The following KIAA1217 variants were observed in gnomAD, a reference collection of about 807,000 sequenced individuals.
The protein encoded by KIAA1217 is sickle tail protein homolog.
Under a neutral mutation model 163.9 loss-of-function variants are expected in KIAA1217, and 88 were observed. That is an observed-to-expected ratio of 0.54 (90% CI 0.45 to 0.64). KIAA1217 has a LOEUF of 0.64. KIAA1217 is among the 30% of genes least tolerant of loss of function. KIAA1217 has a pLI of 0.00. For missense variants in KIAA1217, 2,372 were observed against 2,475.0 expected (o/e 0.96, Z 0.88); for synonymous variants, 903 against 923.1 (o/e 0.98, Z 0.39).
chr10:24,151,354 G>A lies in KIAA1217; in HGVS notation c.-170-68272G>A, dbSNP rs547457844. 2.7e-3 allele frequency among the ~76,000 whole-genome samples: 403 copies of A among 150,706 alleles called. 1 individual carries two copies. Among genetic ancestry groups the A allele is most frequent in the Non-Finnish European group, 3.6e-3 (243 of 67,844 alleles). On this transcript the variant is annotated intron_variant, in intron 2 of 18. Coordinates refer to the KIAA1217 transcript ENST00000376462. ...TCATGATTAAGGATAAGGAGACTGAGGATTTAAGAGACTAAGAAACTAACC... is the reference window on the plus strand; with the variant it reads ...TCATGATTAAGGATAAGGAGACTGAAGATTTAAGAGACTAAGAAACTAACC...
chr10:24,060,193 G>C (rs992360301), intron 2 of KIAA1217, among the ~76,000 whole-genome samples: 17 of 150,894 alleles, frequency 1.1e-4, no homozygotes. Context: ...ATTTATTTCT[G>C]TTCTAATCTT....
chr10:24,057,586 G>A (rs1189225303), intron 2 of KIAA1217, among the ~76,000 whole-genome samples: 3 of 152,070 alleles, frequency 2.0e-5, no homozygotes, highest in Non-Finnish European at 4.4e-5. Context: ...CATCCATGTC[G>A]TGGCACATTA....
chr10:23,834,073 G>A (rs994605187), intron 1 of KIAA1217, among the ~76,000 whole-genome samples: 1 of 152,044 alleles, frequency 6.6e-6, no homozygotes, highest in African/African-American at 2.4e-5. Flanking sequence ...TACTGTTGAT[G>A]TTTTTGGCTG....
intron 6 of KIAA1217, among the ~76,000 whole-genome samples, chr10:24,490,015 A>G (rs1485716335): frequency 1.3e-5 from 2 of 152,146 alleles, no homozygotes; most frequent in Non-Finnish European, 2.9e-5. Context: ...ACAGACAGAC[A>G]TGGAGCTTGC....
chr10:24,249,359 A>G (rs1274742114), intron 2 of KIAA1217, among the ~76,000 whole-genome samples: 2 of 152,214 alleles, frequency 1.3e-5, no homozygotes, highest in African/African-American at 2.4e-5. Context: ...GGTAGAATTG[A>G]GCCCGTACTG....
chr10:24,218,889 C>T (rs543327539), intron 1 of KIAA1217, among the ~76,000 whole-genome samples: 2 of 152,164 alleles, frequency 1.3e-5, no homozygotes, highest in South Asian at 2.1e-4. Flanking sequence ...TGATTACTTA[C>T]GTACAGGGTG....
chr10:24,487,806 AC>A (rs967055723), intron 6 of KIAA1217, among the ~76,000 whole-genome samples: 1 of 152,220 alleles, frequency 6.6e-6, no homozygotes, highest in Non-Finnish European at 1.5e-5. Flanking sequence ...CTTGAAGATT[AC>A]CAGAAGGAGA....
At chr10:24,392,729 T>A (rs1282471032) in intron 3 of KIAA1217, among the ~76,000 whole-genome samples, 1 of 152,234 alleles carries the variant, frequency 6.6e-6, no homozygotes, top group Non-Finnish European at 1.5e-5. Context: ...ATTGGAAATT[T>A]ATGGATTCAG....
intron 2 of KIAA1217, among the ~76,000 whole-genome samples, chr10:24,012,043 A>T (rs1264547868): frequency 6.6e-6 from 1 of 152,178 alleles, no homozygotes; most frequent in Non-Finnish European, 1.5e-5. Flanking sequence ...TCTACATTTA[A>T]CAGAACCCAA....
chr10:23,766,836 C>A (rs1171817589), intron 1 of KIAA1217, among the ~76,000 whole-genome samples: 2 of 152,126 alleles, frequency 1.3e-5, no homozygotes, highest in African/African-American at 4.8e-5. Flanking sequence ...AAATGATCTG[C>A]CTGCCTTGGC....
chr10:24,255,494 C>G (rs954253162), intron 2 of KIAA1217: 30 of 455,674 alleles, frequency 6.6e-5, no homozygotes, highest in African/African-American at 5.6e-4. Flanking sequence ...CACATCTGGA[C>G]ATGAAGACCC....
intron 3 of KIAA1217, among the ~76,000 whole-genome samples, chr10:24,430,926 G>A (rs1283023112): frequency 1.3e-5 from 2 of 152,152 alleles, no homozygotes; most frequent in East Asian, 3.8e-4. Context: ...GGGGACCTTT[G>A]TGCTACACCA....
chr10:24,545,568 A>G (rs2075646330), intron 20 of KIAA1217: 2 of 1,356,894 alleles, frequency 1.5e-6, no homozygotes, highest in South Asian at 4.0e-5. Context: ...GCACACAGGA[A>G]ATGGTAGAGC....
chr10:24,380,038 A>C (rs1353462634), intron 2 of KIAA1217, among the ~76,000 whole-genome samples: 1 of 152,144 alleles, frequency 6.6e-6, no homozygotes, highest in Non-Finnish European at 1.5e-5. Flanking sequence ...AGCAACAAGA[A>C]TGAAACGCCA....
At chr10:24,498,763 G>GAATT (rs2067140192) in intron 8 of KIAA1217, among the ~76,000 whole-genome samples, 1 of 152,180 alleles carries the variant, frequency 6.6e-6, no homozygotes, top group Non-Finnish European at 1.5e-5. Flanking sequence ...GAGGCTCGGG[G>GAATT]AATTGCACCG....
intron 2 of KIAA1217, among the ~76,000 whole-genome samples, chr10:24,029,656 T>C (rs1848111598): frequency 6.6e-6 from 1 of 152,020 alleles, no homozygotes; most frequent in Non-Finnish European, 1.5e-5. Flanking sequence ...AAAGAAGTAA[T>C]CTCCAAGAAA....
chr10:23,898,819 G>T (rs970634056), intron 1 of KIAA1217, among the ~76,000 whole-genome samples: 2 of 151,934 alleles, frequency 1.3e-5, no homozygotes, highest in Non-Finnish European at 2.9e-5. Context: ...ATTTAAAGTG[G>T]AATCATACAG....
intron 2 of KIAA1217, among the ~76,000 whole-genome samples, chr10:24,248,718 T>A (rs905943555): frequency 6.7e-6 from 1 of 149,096 alleles, no homozygotes; most frequent in Non-Finnish European, 1.5e-5. Flanking sequence ...ACCTAAACCT[T>A]ACCTCTTGCT....
chr10:24,178,759 T>A lies in KIAA1217; in HGVS notation c.-170-40867T>A, dbSNP rs115689874. 4.1e-3 allele frequency among the ~76,000 whole-genome samples: 631 copies of A among 152,336 alleles called. 2 individuals are homozygous for A. The highest frequency in any genetic ancestry group is 0.015 in the African/African-American group (611 of 41,578). ...GTGGCTCTGTGATATGACATACATT[T>A]CACCTTTTTCTTTAGCCTGAGTTTT... On this transcript the variant is annotated intron_variant, in intron 2 of 18. Transcript: ENST00000376462.
Sources: gnomAD v4.1 joint callset for allele counts (sites outside exome capture counted in the v4.1 genomes callset) on GRCh38, gnomAD v4.1.1 for gene constraint, MANE v1.5 for transcripts, NCBI Gene and HGNC (gene_info 2026-07-23, HGNC 2026-07-21) for gene names.